AKIRIN1: variants seen among roughly 807,000 people sequenced by gnomAD.
AKIRIN1 encodes akirin-1.
Under a neutral mutation model 25.9 loss-of-function variants are expected in AKIRIN1, and 4 were observed. The ratio of observed to expected loss-of-function variants is 0.15; its 90% confidence interval spans 0.08 to 0.35. The LOEUF is 0.35. AKIRIN1 is among the 10% of genes least tolerant of loss of function. The pLI is 1.00. For synonymous variants in AKIRIN1, 125 were observed against 105.1 expected (o/e 1.19, Z -1.16); for missense variants, 243 against 266.1 (o/e 0.91, Z 0.61).
chr1:38,997,367 C>G (rs1363580863), intron 1 of AKIRIN1, among the ~76,000 whole-genome samples: 2 of 152,160 alleles, frequency 1.3e-5, no homozygotes. Flanking sequence ...ACTGAGTTGC[C>G]TCTTAGGATC....
At chr1:38,992,144 A>G (rs1643910922) in intron 1 of AKIRIN1, among the ~76,000 whole-genome samples, 1 of 152,178 alleles carries the variant, frequency 6.6e-6, no homozygotes, top group Admixed American at 6.5e-5. Context: ...GATAATTTCT[A>G]AGGGACTGGC....
At chr1:39,003,493 A>G (rs749537835) in intron 4 of AKIRIN1, 75 bp downstream of exon 4, 46 of 1,385,518 alleles carry the variant, frequency 3.3e-5, no homozygotes, top group South Asian at 1.2e-5. Flanking sequence ...TTCTCTCCTC[A>G]GAGTAAAAAG....
chr1:39,003,171 G>A (rs1644007549), intron 3 of AKIRIN1, among the ~76,000 whole-genome samples, 176 bp from the exon 4 acceptor site: 1 of 152,136 alleles, frequency 6.6e-6, no homozygotes, highest in Non-Finnish European at 1.5e-5. Flanking sequence ...GGTTCTAAGA[G>A]GAACAGATCT....
chr1:39,002,433 A>G (rs1382542764), intron 3 of AKIRIN1, among the ~76,000 whole-genome samples: 1 of 152,176 alleles, frequency 6.6e-6, no homozygotes, highest in East Asian at 1.9e-4. Context: ...AATATGTATT[A>G]TAAGAAGAAG....
intron 1 of AKIRIN1, among the ~76,000 whole-genome samples, chr1:38,992,791 G>T (rs974828993): frequency 6.6e-6 from 1 of 151,806 alleles, no homozygotes; most frequent in South Asian, 2.1e-4. Flanking sequence ...CAGACCCACC[G>T]CTCTGTGCCC....
At chr1:38,991,856 G>A (rs920296063) in intron 1 of AKIRIN1, among the ~76,000 whole-genome samples, 1 of 152,124 alleles carries the variant, frequency 6.6e-6, no homozygotes, top group Admixed American at 6.5e-5. Flanking sequence ...CCAAGAGGAA[G>A]ATGGGAATAC....
chr1:38,993,109 G>A (rs999080944), intron 1 of AKIRIN1, among the ~76,000 whole-genome samples: 1 of 152,140 alleles, frequency 6.6e-6, no homozygotes, highest in East Asian at 1.9e-4. Context: ...TCATACTTGC[G>A]CTATCTTTTG....
In AKIRIN1 at chr1:39,004,274, C is replaced by T; in HGVS notation, c.*219C>T. On this transcript the variant is annotated 3_prime_UTR_variant, in exon 5 of 5. Transcript: ENST00000432648. ...TGCTCATCCAATAAACAGCTGTGCC[C>T]TACTGTGATAGATTTTCCAAACAAA... 1.4e-6 allele frequency: 1 copy of T among 690,858 alleles called. No homozygotes were observed. Among genetic ancestry groups the T allele is most frequent in the Non-Finnish European group, 2.6e-6 (1 of 379,336 alleles). The allele number at this position is 690,858 out of a possible 1,614,324, so 42.8% of individuals were successfully genotyped here.
intron 1 of AKIRIN1, among the ~76,000 whole-genome samples, 190 bp from the exon 2 acceptor site, chr1:38,997,981 C>T (rs546475329): frequency 1.3e-5 from 2 of 152,160 alleles, no homozygotes; most frequent in East Asian, 3.9e-4. Flanking sequence ...TCTTTGAAGC[C>T]ACTGGGGAGT....
intron 1 of AKIRIN1, among the ~76,000 whole-genome samples, chr1:38,993,827 TTGGGAGGCGGAGGCGGGCGGATCACC>T (rs1276643916): frequency 6.6e-6 from 1 of 151,770 alleles, no homozygotes; most frequent in Non-Finnish European, 1.5e-5. Context: ...TCCCAGCACT[TTGGGAGGCGGAGGCGGGCGGATCACC>T]TGAGGTCGGG....
intron 1 of AKIRIN1, 73 bp from the exon 2 acceptor site, chr1:38,998,098 T>C (rs749707363): frequency 8.8e-5 from 131 of 1,487,326 alleles, no homozygotes; most frequent in Non-Finnish European, 1.1e-4. Flanking sequence ...TCTTTGTCTC[T>C]TCCCACTTCT....
rs371843532 is a variant in AKIRIN1, at chr1:38,992,211, GATC to G, written c.220+614_220+616del. On this transcript the variant is annotated intron_variant, in intron 1 of 4. Coordinates refer to ENST00000432648, the MANE Select transcript of AKIRIN1 (RefSeq NM_024595.3). Reference sequence around the variant, plus strand: ...TACCATATATGGCTTGAAATCGGTAGATCATTAGCTAGAATTTGAGAATCCTAC... The same window carrying G: ...TACCATATATGGCTTGAAATCGGTAGATTAGCTAGAATTTGAGAATCCTAC... Among the ~76,000 whole-genome samples, 232 of 152,256 alleles carry G rather than the reference GATC, an allele frequency of 1.5e-3. 1 individual carries two copies. Among genetic ancestry groups the G allele is most frequent in the Middle Eastern group, 6.8e-3 (2 of 294 alleles).
At chr1:39,002,486 T>G (rs1644001072) in intron 3 of AKIRIN1, among the ~76,000 whole-genome samples, 1 of 152,118 alleles carries the variant, frequency 6.6e-6, no homozygotes, top group South Asian at 2.1e-4. Flanking sequence ...ATCCCAGCAC[T>G]TTGGGAGGCC....
chr1:39,003,178 A>G (rs1288086096), intron 3 of AKIRIN1, among the ~76,000 whole-genome samples, 169 bp from the exon 4 acceptor site: 1 of 152,178 alleles, frequency 6.6e-6, no homozygotes, highest in African/African-American at 2.4e-5. Flanking sequence ...AGAGGAACAG[A>G]TCTCAGTGAC....
chr1:38,996,209 C>G (rs7368120), intron 1 of AKIRIN1, among the ~76,000 whole-genome samples: 44,330 of 151,608 alleles, frequency 0.29, 7,805 homozygotes, highest in Non-Finnish European at 0.39. Flanking sequence ...ATTCTCCTGC[C>G]TCAGCCTCCC....
chr1:39,003,142 A>G (rs1644007339), intron 3 of AKIRIN1, among the ~76,000 whole-genome samples: 1 of 152,198 alleles, frequency 6.6e-6, no homozygotes, highest in African/African-American at 2.4e-5. Context: ...CCATTCTAGA[A>G]GCCAAGGATT....
Position 39,000,231 on chromosome 1 carries a change from C to A in AKIRIN1, c.362-741C>A, listed in dbSNP as rs555252416. 2.0e-5 allele frequency among the ~76,000 whole-genome samples: 3 copies of A among 152,132 alleles called. No homozygotes were observed. In the South Asian group the frequency reaches 6.2e-4, roughly 32 times the overall value. On this transcript the variant is annotated intron_variant, in intron 2 of 4. Transcript: ENST00000432648. The stretch of plus-strand genomic sequence containing the variant: ...CAGAAAGCCACTTGTGGGATTTGTT[C>A]ACTTGCCAGCTCCAGAACCAGGCTG...
intron 3 of AKIRIN1, among the ~76,000 whole-genome samples, chr1:39,002,679 A>G (rs1644003263): frequency 6.6e-6 from 1 of 151,934 alleles, no homozygotes; most frequent in Non-Finnish European, 1.5e-5. Context: ...GCAGTGAGCC[A>G]AGGTTGCGCC....
intron 1 of AKIRIN1, among the ~76,000 whole-genome samples, chr1:38,992,619 A>C (rs1198885641): frequency 2.6e-5 from 4 of 152,162 alleles, no homozygotes; most frequent in East Asian, 3.9e-4. Flanking sequence ...TCATCCTCAC[A>C]CCAAGATTCC....
Sources: gnomAD v4.1 joint callset for allele counts (sites outside exome capture counted in the v4.1 genomes callset) on GRCh38, gnomAD v4.1.1 for gene constraint, MANE v1.5 for transcripts, NCBI Gene and HGNC (gene_info 2026-07-23, HGNC 2026-07-21) for gene names.